SRD5A2: variants seen among roughly 807,000 people sequenced by gnomAD.
The protein encoded by SRD5A2 is 3-oxo-5-alpha-steroid 4-dehydrogenase 2.
A neutral mutation model predicts 27.4 loss-of-function variants in SRD5A2; 30 were observed. The observed-to-expected ratio is 1.10, with a 90% CI of 0.82 to 1.49. The LOEUF is 1.49. Ranked by LOEUF, SRD5A2 falls within the 40% of genes most tolerant of loss-of-function variation. The pLI is 0.00. For missense variants in SRD5A2, 348 were observed against 323.4 expected (o/e 1.08, Z -0.58); for synonymous variants, 141 against 133.6 (o/e 1.06, Z -0.38).
At chr2:31,588,088 T>A in the SRD5A2 span, among the ~76,000 whole-genome samples, 1 of 151,588 alleles carries the variant, frequency 6.6e-6, no homozygotes. Flanking sequence ...GAAAAAAGAA[T>A]CAAAAAGAAT....
In SRD5A2 at chr2:31,564,662, C is replaced by T. The variant is rs553164415; in HGVS notation, c.281+15958G>A. On this transcript the variant is annotated intron_variant, in intron 1 of 4. Transcript: ENST00000622030. ...AAAAGTAGGCAAAGATAAGAAGATA[C>T]GTTAAGTACAGAGGACAAGGATAAG... 2.0e-5 allele frequency among the ~76,000 whole-genome samples: 3 copies of T among 151,948 alleles called. No individual in the cohort carries two copies. The South Asian group carries it at 6.2e-4, about 32-fold the overall frequency.
At chr2:31,606,772 T>C in the SRD5A2 span, among the ~76,000 whole-genome samples, 1 of 151,962 alleles carries the variant, frequency 6.6e-6, no homozygotes, top group African/African-American at 2.4e-5. Flanking sequence ...ATCGTTGGCA[T>C]AAACAATCAG....
At chr2:31,653,591 A>C in the SRD5A2 span, among the ~76,000 whole-genome samples, 2 of 152,330 alleles carry the variant, frequency 1.3e-5, no homozygotes, top group Middle Eastern at 3.4e-3. Context: ...GCATAAGTCA[A>C]GGTGTCACCC....
At chr2:31,595,060 A>T in the SRD5A2 span, among the ~76,000 whole-genome samples, 2 of 152,152 alleles carry the variant, frequency 1.3e-5, no homozygotes, top group Non-Finnish European at 2.9e-5. Flanking sequence ...CAGCAAAAGC[A>T]GTACTAAGAG....
At chr2:31,661,331 C>T in the SRD5A2 span, among the ~76,000 whole-genome samples, 1 of 152,132 alleles carries the variant, frequency 6.6e-6, no homozygotes, top group Admixed American at 6.6e-5. Flanking sequence ...CCTCCATGGT[C>T]AGGTGTTCAA....
At chr2:31,571,194 A>G (rs1363696569) in intron 1 of SRD5A2, among the ~76,000 whole-genome samples, 1 of 152,194 alleles carries the variant, frequency 6.6e-6, no homozygotes, top group Non-Finnish European at 1.5e-5. Flanking sequence ...ATGGAACAGG[A>G]TAGAGTGCCC....
At chr2:31,578,966 T>C (rs921123231) in intron 1 of SRD5A2, among the ~76,000 whole-genome samples, 6 of 152,188 alleles carry the variant, frequency 3.9e-5, no homozygotes, top group African/African-American at 9.7e-5. Context: ...ATAAAAATAA[T>C]TGTTGACAAA....
chr2:31,629,737 C>A, the SRD5A2 span, among the ~76,000 whole-genome samples: 1 of 152,102 alleles, frequency 6.6e-6, no homozygotes, highest in African/African-American at 2.4e-5. Context: ...TCAACAGTTG[C>A]CCATGCGTGC....
At chr2:31,536,709 T>C (rs1028994418) in intron 1 of SRD5A2, among the ~76,000 whole-genome samples, 3 of 150,444 alleles carry the variant, frequency 2.0e-5, no homozygotes, top group Admixed American at 6.6e-5. Context: ...TGTTTCACTG[T>C]AGAAAAAGAC....
rs188842832 is a variant in SRD5A2, at chr2:31,546,005, G to A, written c.282-12239C>T. On this transcript the variant is annotated intron_variant, in intron 1 of 4. Transcript: ENST00000622030. ...AAATACTTAGGAATTAACTAAAGAC[G>A]TGAAAGACTTGTACAGTAAAAAATT... Among the ~76,000 whole-genome samples, 212 of 152,212 alleles carry A rather than the reference G, an allele frequency of 1.4e-3. 1 individual carries two copies. In the South Asian group the frequency reaches 0.016, roughly 11 times the overall value.
At chr2:31,609,540 T>C in the SRD5A2 span, among the ~76,000 whole-genome samples, 1 of 152,136 alleles carries the variant, frequency 6.6e-6, no homozygotes, top group African/African-American at 2.4e-5. Flanking sequence ...ACAAATGATG[T>C]TGGTACAACC....
intron 1 of SRD5A2, among the ~76,000 whole-genome samples, chr2:31,561,617 G>A (rs998155596): frequency 6.6e-6 from 1 of 152,034 alleles, no homozygotes; most frequent in Non-Finnish European, 1.5e-5. Context: ...GGGAGACCTT[G>A]GAACTGTCCA....
the SRD5A2 span, among the ~76,000 whole-genome samples, chr2:31,593,368 GAC>G: frequency 6.6e-6 from 1 of 151,898 alleles, no homozygotes; most frequent in African/African-American, 2.4e-5. Context: ...TGAAATAAAA[GAC>G]ACACTTAAAG....
rs1463402831 is a variant in SRD5A2, at chr2:31,566,082, G to T, written c.281+14538C>A. ...ATGTCTGGAAAATTCCTAAACATTT[G>T]GAAACTAAATAACACCCTTCTAAAT... On this transcript the variant is annotated intron_variant, in intron 1 of 4. Coordinates refer to ENST00000622030, the MANE Select transcript of SRD5A2 (RefSeq NM_000348.4). Among the ~76,000 whole-genome samples, 5 of 151,916 alleles carry T rather than the reference G, an allele frequency of 3.3e-5. No individual in the cohort carries two copies. The South Asian group carries it at 1.0e-3, about 32-fold the overall frequency.
At chr2:31,581,015 G>A (rs777957757), upstream of SRD5A2, 25 of 1,188,438 alleles carry the variant, frequency 2.1e-5, no homozygotes, top group Middle Eastern at 2.9e-4. Context: ...CTTGGCTCCC[G>A]CCCCTCCATC....
the SRD5A2 span, among the ~76,000 whole-genome samples, chr2:31,623,957 T>C: frequency 1.3e-5 from 2 of 152,182 alleles, no homozygotes; most frequent in African/African-American, 4.8e-5. Context: ...TGAAGCCAAC[T>C]TGATCGTGTT....
At chr2:31,655,147 G>A in the SRD5A2 span, among the ~76,000 whole-genome samples, 1 of 151,926 alleles carries the variant, frequency 6.6e-6, no homozygotes, top group Non-Finnish European at 1.5e-5. Context: ...TGTCTCCCAG[G>A]CTGGAGTACA....
the SRD5A2 span, among the ~76,000 whole-genome samples, chr2:31,592,169 AAAG>A: frequency 6.6e-6 from 1 of 152,026 alleles, no homozygotes; most frequent in South Asian, 2.1e-4. Context: ...AAAAAAAAAA[AAAG>A]ATTATATCTC....
At chr2:31,646,159 G>A in the SRD5A2 span, among the ~76,000 whole-genome samples, 1 of 152,002 alleles carries the variant, frequency 6.6e-6, no homozygotes, top group East Asian at 1.9e-4. Flanking sequence ...AAACAGGTGT[G>A]TGCGTGCACA....
Sources: allele counts gnomAD v4.1 joint callset (sites outside exome capture counted in the v4.1 genomes callset), GRCh38; gene constraint gnomAD v4.1.1; transcripts MANE v1.5; gene names NCBI Gene and HGNC (gene_info 2026-07-23, HGNC 2026-07-21).